MCC: variants seen among roughly 807,000 people sequenced by gnomAD.
MCC encodes the protein colorectal mutant cancer protein.
MCC carries 90 observed loss-of-function variants against 116.2 expected under a neutral mutation model. That is an observed-to-expected ratio of 0.77 (90% CI 0.65 to 0.92). The LOEUF (loss-of-function observed/expected upper bound fraction) is 0.92. Ranked by LOEUF, MCC falls within the 40% of genes least tolerant of loss-of-function variation. MCC has a pLI of 0.00. For synonymous variants in MCC, 578 were observed against 510.5 expected (o/e 1.13, Z -1.78); for missense variants, 1,516 against 1,312.2 (o/e 1.16, Z -2.40).
At position 113,122,795 on chromosome 5, in the gene MCC, C is replaced by G. The variant is rs1411485739; in HGVS notation, c.916G>C (p.Glu306Gln). ...EEDEYSELRS[E>Q]LSQSQHEVNE... ...ACCTCGTGTTGGCTCTGGCTGAGTT[C>G]TGATCGCAGTTCTGAGTACTCATCT... The change falls in exon 6 of 19, where the codon GAA (glutamate) becomes CAA (glutamine). Residue 306 changes from glutamate (E) to glutamine (Q), a missense_variant. Coordinates refer to ENST00000408903, the MANE Select transcript of MCC (RefSeq NM_001085377.2). 14 of 1,614,064 alleles carry G rather than the reference C, an allele frequency of 8.7e-6. No homozygotes were observed. Among genetic ancestry groups the G allele is most frequent in the Admixed American group, 1.7e-5 (1 of 60,004 alleles).
At chr5:113,471,754 C>T (rs904309617) in intron 1 of MCC, among the ~76,000 whole-genome samples, 1 of 36,992 alleles carries the variant, frequency 2.7e-5, no homozygotes, top group African/African-American at 8.5e-5. Flanking sequence ...TTTGTCTGTG[C>T]CCTGCCCCCA....
intron 1 of MCC, among the ~76,000 whole-genome samples, chr5:113,388,076 G>A (rs1769313294): frequency 6.6e-6 from 1 of 152,160 alleles, no homozygotes; most frequent in African/African-American, 2.4e-5. Context: ...ATCCAGGCTT[G>A]AGAAGCCCCA....
Position 113,385,057 on chromosome 5 carries a change from A to G in MCC, c.326T>C (p.Val109Ala). 1 of 1,614,212 alleles carries G rather than the reference A, an allele frequency of 6.2e-7. No individual in the cohort carries two copies. The highest frequency in any genetic ancestry group is 8.5e-7 in the Non-Finnish European group (1 of 1,180,028). Residue 109 changes from valine to alanine, a missense_variant, in exon 2 of 19, where the codon GTA becomes GCA. Coordinates refer to ENST00000408903, the MANE Select transcript of MCC (RefSeq NM_001085377.2). Reference sequence around the variant, plus strand: ...GTTGTCTGACTTTGCAGAAAGATCTACTTCCTCCTTCCTAATTTCTCGAAC... The same window carrying G: ...GTTGTCTGACTTTGCAGAAAGATCTGCTTCCTCCTTCCTAATTTCTCGAAC... ...QLVREIRKEEVDLSAKSDNSC... is the reference protein window; with the variant it reads ...QLVREIRKEEADLSAKSDNSC...
At chr5:113,058,080 A>AG (rs1304960484) in intron 14 of MCC, among the ~76,000 whole-genome samples, 2 of 152,244 alleles carry the variant, frequency 1.3e-5, no homozygotes, top group East Asian at 3.8e-4. Context: ...TCAAACCTAT[A>AG]GAAAAACAAA....
chr5:113,398,939 C>T (rs1580331113), intron 1 of MCC, among the ~76,000 whole-genome samples: 1 of 152,082 alleles, frequency 6.6e-6, no homozygotes. Context: ...AATATGGCAG[C>T]CACTAGTCAC....
intron 2 of MCC, among the ~76,000 whole-genome samples, chr5:113,361,191 GTTA>G (rs919472452): frequency 6.7e-6 from 1 of 150,278 alleles, no homozygotes; most frequent in African/African-American, 2.4e-5. Context: ...TTCTTTGACG[GTTA>G]TTAGTGCCTT....
intron 3 of MCC, among the ~76,000 whole-genome samples, chr5:113,232,794 A>C (rs1763983416): frequency 1.3e-5 from 2 of 152,162 alleles, no homozygotes; most frequent in South Asian, 4.1e-4. Context: ...CACCATGTGC[A>C]GAGTGCTTTA....
intron 3 of MCC, among the ~76,000 whole-genome samples, chr5:113,250,219 G>A (rs1215736938): frequency 6.6e-6 from 1 of 152,158 alleles, no homozygotes; most frequent in Non-Finnish European, 1.5e-5. Context: ...GGGAAGGGGA[G>A]GCCAACCATT....
intron 17 of MCC, among the ~76,000 whole-genome samples, chr5:113,036,603 TCTAA>T (rs1034098901): frequency 6.6e-6 from 1 of 152,128 alleles, no homozygotes; most frequent in African/African-American, 2.4e-5. Context: ...ACAACAGCAG[TCTAA>T]CTTTTTTTTG....
rs2203681 is a variant in MCC at position 113,274,063 on chromosome 5, C to T, written c.627+66456G>A. On this transcript the variant is annotated intron_variant, in intron 3 of 18. Transcript: ENST00000408903. ...TACAAACAGGTAAACATTGTATACCCAACATGTGTATGAAGCAGGATAGGG... is the reference window on the plus strand; with the variant it reads ...TACAAACAGGTAAACATTGTATACCTAACATGTGTATGAAGCAGGATAGGG... Among the ~76,000 whole-genome samples the T allele has an allele frequency of 4.5e-3, 683 of 152,334 alleles. 9 individuals are homozygous for T. The highest frequency in any genetic ancestry group is 0.016 in the African/African-American group (659 of 41,574).
chr5:113,094,716 G>A (rs555474501), intron 8 of MCC, among the ~76,000 whole-genome samples: 7 of 152,254 alleles, frequency 4.6e-5, no homozygotes, highest in East Asian at 3.9e-4. Flanking sequence ...CACCGCTCCC[G>A]GCCAATGTTC....
chr5:113,169,292 G>A (rs1760942796), intron 3 of MCC, among the ~76,000 whole-genome samples: 2 of 152,058 alleles, frequency 1.3e-5, no homozygotes, highest in African/African-American at 2.4e-5. Flanking sequence ...AACCCAGAAG[G>A]AGAAAGGAAA....
At chr5:113,042,702 G>C (rs576009071) in intron 17 of MCC, among the ~76,000 whole-genome samples, 1 of 151,900 alleles carries the variant, frequency 6.6e-6, no homozygotes, top group East Asian at 1.9e-4. Flanking sequence ...ACCATATGTG[G>C]CTCTTGAGAA....
chr5:113,210,133 TAGGGC>T (rs1763068968), intron 3 of MCC, among the ~76,000 whole-genome samples: 1 of 152,136 alleles, frequency 6.6e-6, no homozygotes, highest in Non-Finnish European at 1.5e-5. Context: ...AGGGATAAAG[TAGGGC>T]AGGGAGTGTG....
intron 3 of MCC, among the ~76,000 whole-genome samples, chr5:113,274,195 T>C (rs964131675): frequency 7.9e-5 from 12 of 152,214 alleles, no homozygotes; most frequent in African/African-American, 2.7e-4. Context: ...CAATGTGTGG[T>C]AGCAATTACA....
intron 3 of MCC, among the ~76,000 whole-genome samples, chr5:113,169,025 C>T (rs560584908): frequency 6.6e-6 from 1 of 152,112 alleles, no homozygotes; most frequent in Non-Finnish European, 1.5e-5. Flanking sequence ...TGTGCCTCCC[C>T]ATCACCAATC....
At position 113,025,452 on chromosome 5, in the gene MCC, CTG is replaced by C. The variant is rs1270296339; in HGVS notation, c.*1848_*1849del. On this transcript the variant is annotated 3_prime_UTR_variant, in exon 19 of 19. Coordinates refer to ENST00000408903, the MANE Select transcript of MCC (RefSeq NM_001085377.2). ...CCAGCCTGGCCAACATGGTGAAACC[CTG>C]TCTCTACTAAAAATACAAAAAAACT... 1 of 151,968 alleles carries C rather than the reference CTG, an allele frequency of 6.6e-6. No homozygotes were observed. Among genetic ancestry groups the C allele is most frequent in the Non-Finnish European group, 1.5e-5 (1 of 68,018 alleles). The allele number at this position is 151,968 out of a possible 1,614,324, so 9.4% of individuals were successfully genotyped here.
chr5:113,287,487 C>T (rs1244520857), intron 3 of MCC, among the ~76,000 whole-genome samples: 3 of 152,038 alleles, frequency 2.0e-5, no homozygotes, highest in South Asian at 4.1e-4. Flanking sequence ...CCACCATGCC[C>T]GGCTAACTTT....
intron 4 of MCC, among the ~76,000 whole-genome samples, chr5:113,146,654 T>C (rs1245663767): frequency 6.6e-6 from 1 of 152,142 alleles, no homozygotes; most frequent in Non-Finnish European, 1.5e-5. Context: ...CCAAAGTCAA[T>C]TATTCAGTGA....
Sources: gnomAD v4.1 joint callset for allele counts (sites outside exome capture counted in the v4.1 genomes callset) on GRCh38, gnomAD v4.1.1 for gene constraint, MANE v1.5 for transcripts, NCBI Gene and HGNC (gene_info 2026-07-23, HGNC 2026-07-21) for gene names.